The following LAMA2 variants were observed in gnomAD, a reference collection of about 807,000 sequenced individuals.
The protein encoded by LAMA2 is laminin subunit alpha 2.
LAMA2 carries 269 observed loss-of-function variants against 364.8 expected under a neutral mutation model. The ratio of observed to expected loss-of-function variants is 0.74; its 90% CI spans 0.67 to 0.82. The LOEUF is 0.82. LAMA2 is among the 40% of genes least tolerant of loss of function. LAMA2 has a pLI of 0.00. For missense variants in LAMA2, 3,807 were observed against 3,873.2 expected, an observed-to-expected ratio of 0.98 and a Z score of 0.45; for synonymous variants, 1,379 against 1,370.6, an observed-to-expected ratio of 1.01 and a Z score of -0.14.
intron 1 of LAMA2, among the ~76,000 whole-genome samples, chr6:129,033,719 T>C (rs952096028): frequency 3.3e-5 from 5 of 152,102 alleles, no homozygotes; most frequent in African/African-American, 1.2e-4. Flanking sequence ...TTTATAGGCT[T>C]GATTTTGGAA....
intron 3 of LAMA2, among the ~76,000 whole-genome samples, chr6:129,084,419 C>T (rs1320836611): frequency 4.7e-5 from 1 of 21,196 alleles, no homozygotes; most frequent in Non-Finnish European, 1.2e-4. Flanking sequence ...GCATGTGATA[C>T]ATTTCTAAAA....
At chr6:129,084,124 T>C (rs1032509330) in intron 3 of LAMA2, among the ~76,000 whole-genome samples, 11 of 152,224 alleles carry the variant, frequency 7.2e-5, no homozygotes, top group African/African-American at 2.4e-4. Flanking sequence ...CTTTAAAATA[T>C]ATATGGAAAT....
At position 129,152,183 on chromosome 6, in the gene LAMA2, G is replaced by A. The variant is rs147690302; in HGVS notation, c.1028-2322G>A. On this transcript the variant is annotated intron_variant, in intron 7 of 64. Coordinates refer to ENST00000421865, the MANE Select transcript of LAMA2 (RefSeq NM_000426.4). ...ACATATAACTTTGTAAAAAGATAAT[G>A]ACACTCATAATGAAGGAAGTATCAA... Among the ~76,000 whole-genome samples the A allele has an allele frequency of 2.7e-3, 412 of 152,248 alleles. 2 individuals carry two copies. The highest frequency in any genetic ancestry group is 4.9e-3 in the Non-Finnish European group (334 of 68,012).
intron 54 of LAMA2, among the ~76,000 whole-genome samples, chr6:129,480,581 T>C (rs1233148539): frequency 6.6e-6 from 1 of 152,110 alleles, no homozygotes; most frequent in African/African-American, 2.4e-5. Flanking sequence ...GAATGAATTA[T>C]AGAAAGCTAT....
intron 12 of LAMA2, among the ~76,000 whole-genome samples, chr6:129,227,701 AGGGGTACTC>A (rs1415316712): frequency 6.6e-6 from 1 of 152,102 alleles, no homozygotes; most frequent in Non-Finnish European, 1.5e-5. Flanking sequence ...TTCGTCTCAG[AGGGGTACTC>A]GGCCGTGTGG....
intron 29 of LAMA2, among the ~76,000 whole-genome samples, chr6:129,331,574 T>C (rs1180840454): frequency 6.6e-6 from 1 of 151,934 alleles, no homozygotes; most frequent in Non-Finnish European, 1.5e-5. Context: ...GATCACATCT[T>C]CCCCCTATGT....
chr6:129,158,734 T>C (rs1433175469), intron 8 of LAMA2: 1 of 1,614,030 alleles, frequency 6.2e-7, no homozygotes, highest in African/African-American at 1.3e-5. Context: ...ACTGGTTACA[T>C]AAATTGGTCC....
At chr6:129,334,250 G>T (rs1440293797) in intron 29 of LAMA2, among the ~76,000 whole-genome samples, 2 of 152,188 alleles carry the variant, frequency 1.3e-5, no homozygotes, top group Non-Finnish European at 2.9e-5. Flanking sequence ...CATGAACTCT[G>T]CAGTCAGAGT....
intron 1 of LAMA2, among the ~76,000 whole-genome samples, chr6:128,889,806 T>C (rs1776347038): frequency 6.6e-6 from 1 of 152,254 alleles, no homozygotes; most frequent in Non-Finnish European, 1.5e-5. Flanking sequence ...ATGTATAATA[T>C]GGGTTTAAAA....
chr6:129,264,385 T>TG (rs1202832015), intron 15 of LAMA2, among the ~76,000 whole-genome samples: 7 of 150,018 alleles, frequency 4.7e-5, no homozygotes, highest in Non-Finnish European at 8.9e-5. Context: ...TTGGTGTGTG[T>TG]GGGGGGGTGG....
At chr6:129,476,928 C>T (rs535892781) in intron 53 of LAMA2, among the ~76,000 whole-genome samples, 1 of 152,234 alleles carries the variant, frequency 6.6e-6, no homozygotes, top group African/African-American at 2.4e-5. Context: ...AATAAATCAC[C>T]TGATATACAC....
chr6:129,401,168 AGGG>A (rs1446252103), intron 37 of LAMA2, 53 bp from the exon 38 acceptor site: 1 of 1,066,406 alleles, frequency 9.4e-7, no homozygotes, highest in Non-Finnish European at 1.5e-6. Context: ...CAGGAATACA[AGGG>A]GTAGGATTTT....
At chr6:129,132,072 A>G (rs1777513264) in intron 4 of LAMA2, among the ~76,000 whole-genome samples, 1 of 152,098 alleles carries the variant, frequency 6.6e-6, no homozygotes, top group East Asian at 1.9e-4. Context: ...CGCAAAAGTC[A>G]GGGGATGAGA....
chr6:129,054,677 A>G (rs1488117564), intron 2 of LAMA2, among the ~76,000 whole-genome samples: 1 of 147,846 alleles, frequency 6.8e-6, no homozygotes, highest in Non-Finnish European at 1.5e-5. Context: ...GATATGTAAT[A>G]TAATATACTT....
At chr6:129,495,165 G>C (rs1054115795) in intron 58 of LAMA2, among the ~76,000 whole-genome samples, 2 of 152,090 alleles carry the variant, frequency 1.3e-5, no homozygotes, top group African/African-American at 4.8e-5. Flanking sequence ...GAAAGCCATC[G>C]GTTACATTAA....
chr6:129,308,283 C>T (rs1446387168), intron 22 of LAMA2, among the ~76,000 whole-genome samples: 1 of 151,890 alleles, frequency 6.6e-6, no homozygotes, highest in Non-Finnish European at 1.5e-5. Context: ...CTATGACTGA[C>T]TTTTGCATTT....
Position 129,503,153 on chromosome 6 carries a change from G to C in LAMA2, c.8420G>C (p.Arg2807Pro). Residue 2807 changes from arginine to proline, a missense_variant, in exon 60 of 65, where the codon CGC becomes CCC. This residue lies in a region of LAMA2 where 3,333 missense variants were observed against 3,345.7 expected (regional missense o/e 1.00). Transcript: ENST00000421865. ...TCCGGCTTGCTTTTTTACATGGCTC[G>C]CATCAATCATGCTGATTTTGCAACA... ...AESGLLFYMA[R>P]INHADFATVQ... The C allele has an allele frequency of 6.2e-7, 1 of 1,614,054 alleles. No individual in the cohort carries two copies. Among genetic ancestry groups the C allele is most frequent in the Non-Finnish European group, 8.5e-7 (1 of 1,179,970 alleles).
intron 1 of LAMA2, among the ~76,000 whole-genome samples, chr6:128,924,847 A>G (rs575357155): frequency 2.6e-5 from 4 of 152,342 alleles, no homozygotes; most frequent in Admixed American, 1.3e-4. Context: ...TTAACCAGAA[A>G]TAACATCAAC....
chr6:128,914,562 T>C (rs1300978156), intron 1 of LAMA2, among the ~76,000 whole-genome samples: 1 of 152,206 alleles, frequency 6.6e-6, no homozygotes, highest in African/African-American at 2.4e-5. Flanking sequence ...TTAAAATAGC[T>C]ATGCTCACTT....
Sources: gnomAD v4.1 joint callset for allele counts (sites outside exome capture counted in the v4.1 genomes callset) on GRCh38, gnomAD v4.1.1 for gene constraint, gnomAD v4.1.1 regional missense constraint, MANE v1.5 for transcripts, NCBI Gene and HGNC (gene_info 2026-07-23, HGNC 2026-07-21) for gene names.